Variants in TRIM44 observed in about 807,000 individuals in gnomAD.
TRIM44 encodes tripartite motif containing 44.
A neutral mutation model predicts 37.4 loss-of-function variants in TRIM44; 13 were observed. The ratio of observed to expected loss-of-function variants is 0.35; its 90% CI spans 0.23 to 0.55. The LOEUF is 0.55. Among genes scored for constraint, TRIM44 ranks in the 20% least tolerant of loss-of-function variants. The pLI is 0.89. For missense variants in TRIM44, 426 were observed against 437.2 expected, an observed-to-expected ratio of 0.97 and a Z score of 0.23; for synonymous variants, 175 against 157.2, an observed-to-expected ratio of 1.11 and a Z score of -0.85.
In TRIM44 at chr11:35,792,111, A is replaced by ACACACACACACACACACACACACTCTCT. The variant is rs796092540; in HGVS notation, c.1008-14246_1008-14245insACACACACACACACACACACACTCTCTC. On this transcript the variant is annotated intron_variant, in intron 4 of 4. Coordinates refer to ENST00000299413, the MANE Select transcript of TRIM44 (RefSeq NM_017583.6). ...CACACACACACACACACACACACACACTCTCTCTCATCATTCTCTATTCCA... is the reference window on the plus strand; with the variant it reads ...CACACACACACACACACACACACACACACACACACACACACACACACACTCTCTCTCTCTCTCATCATTCTCTATTCCA... 4.0e-3 allele frequency among the ~76,000 whole-genome samples: 460 copies of ACACACACACACACACACACACACTCTCT among 114,204 alleles called. 4 individuals are homozygous for ACACACACACACACACACACACACTCTCT. The highest frequency in any genetic ancestry group is 9.5e-3 in the East Asian group (40 of 4,222). 74.9% of individuals were successfully genotyped at this position (114,204 alleles called of 152,430 possible).
intron 4 of TRIM44, among the ~76,000 whole-genome samples, chr11:35,768,605 T>A (rs1454341901): frequency 1.3e-5 from 2 of 152,230 alleles, no homozygotes; most frequent in African/African-American, 2.4e-5. Flanking sequence ...TCAAAAACTT[T>A]AATGGAAAAT....
intron 1 of TRIM44, among the ~76,000 whole-genome samples, chr11:35,665,591 T>A: frequency 8.1e-6 from 1 of 123,008 alleles, no homozygotes; most frequent in East Asian, 2.1e-4. Context: ...TATCTGTTTT[T>A]TTTTTTTTTT....
At chr11:35,728,684 C>G (rs1056216718) in intron 3 of TRIM44, among the ~76,000 whole-genome samples, 2 of 152,120 alleles carry the variant, frequency 1.3e-5, no homozygotes, top group Non-Finnish European at 2.9e-5. Context: ...TAGAATTTAT[C>G]AAAAATCACC....
At chr11:35,777,944 T>C (rs1254389995) in intron 4 of TRIM44, among the ~76,000 whole-genome samples, 26 of 152,192 alleles carry the variant, frequency 1.7e-4, no homozygotes, top group Admixed American at 1.7e-3. Context: ...TTGGAGTTGC[T>C]GTTCTCAAGG....
rs77871596 is a variant in TRIM44, at chr11:35,682,528, A to T, written c.670-2731A>T. Among the ~76,000 whole-genome samples, 23 of 152,322 alleles carry T rather than the reference A, an allele frequency of 1.5e-4. No homozygotes were observed. In the East Asian group the frequency reaches 4.1e-3, roughly 27 times the overall value. On this transcript the variant is annotated intron_variant, in intron 1 of 4. Coordinates refer to ENST00000299413, the MANE Select transcript of TRIM44 (RefSeq NM_017583.6). ...CTGCTTATTTTATAGATTTTTAAAAAAGCCTTTGGGAAAGGTTTTCTTCAC... is the reference window on the plus strand; with the variant it reads ...CTGCTTATTTTATAGATTTTTAAAATAGCCTTTGGGAAAGGTTTTCTTCAC...
chr11:35,681,589 C>G (rs1444584610), intron 1 of TRIM44, among the ~76,000 whole-genome samples: 1 of 152,092 alleles, frequency 6.6e-6, no homozygotes, highest in African/African-American at 2.4e-5. Context: ...CAGGGGAATC[C>G]TACTACTTTG....
chr11:35,786,174 A>G (rs1342600284), intron 4 of TRIM44, among the ~76,000 whole-genome samples: 1 of 152,244 alleles, frequency 6.6e-6, no homozygotes, highest in African/African-American at 2.4e-5. Context: ...CCATTGTAAT[A>G]TTAAGAACTT....
In TRIM44 at chr11:35,806,496, C is replaced by T; in HGVS notation, c.*111C>T. 1 of 1,183,270 alleles carries T rather than the reference C, an allele frequency of 8.5e-7. No individual in the cohort carries two copies. Among genetic ancestry groups the T allele is most frequent in the Non-Finnish European group, 1.3e-6 (1 of 793,886 alleles). 73.3% of individuals were successfully genotyped at this position (1,183,270 alleles called of 1,614,324 possible). ...AGCTGCTCAGCAACAAACGTACTTC[C>T]ACCAGATGTGTCCCCAGATCCACAG... On this transcript the variant is annotated 3_prime_UTR_variant, in exon 5 of 5. Coordinates refer to ENST00000299413, the MANE Select transcript of TRIM44 (RefSeq NM_017583.6).
At chr11:35,783,721 G>A (rs554351820) in intron 4 of TRIM44, among the ~76,000 whole-genome samples, 4 of 152,262 alleles carry the variant, frequency 2.6e-5, no homozygotes, top group East Asian at 1.9e-4. Context: ...AATTGTGTGC[G>A]TGAAATGAGA....
chr11:35,726,235 C>T, intron 3 of TRIM44, 72 bp downstream of exon 3: 1 of 1,568,618 alleles, frequency 6.4e-7, no homozygotes, highest in Non-Finnish European at 8.6e-7. Context: ...TGTTAGACCC[C>T]ATGTGGTCCC....
intron 2 of TRIM44, among the ~76,000 whole-genome samples, 175 bp from the exon 3 acceptor site, chr11:35,725,749 T>G (rs1852166659): frequency 6.6e-6 from 1 of 152,148 alleles, no homozygotes; most frequent in African/African-American, 2.4e-5. Context: ...GCAAAAAGAT[T>G]AGCAGGAAAT....
rs184503474 is a variant in TRIM44 at position 35,700,045 on chromosome 11, A to G, written c.747+14709A>G. 9.9e-5 allele frequency among the ~76,000 whole-genome samples: 15 copies of G among 152,178 alleles called. No individual in the cohort carries two copies. The South Asian group carries it at 1.0e-3, about 11-fold the overall frequency. On this transcript the variant is annotated intron_variant, in intron 2 of 4. Coordinates refer to ENST00000299413, the MANE Select transcript of TRIM44 (RefSeq NM_017583.6). The stretch of plus-strand genomic sequence containing the variant: ...CTGCCCAAGGTAATTTATAGATTCA[A>G]TGCCATCCCCATGAAGCTACCAATG...
chr11:35,741,667 T>C (rs1852398433), intron 4 of TRIM44, among the ~76,000 whole-genome samples: 1 of 152,196 alleles, frequency 6.6e-6, no homozygotes, highest in Non-Finnish European at 1.5e-5. Context: ...GTTACGATGC[T>C]TGGCAGGCTA....
At chr11:35,708,754 A>G (rs1381787067) in intron 2 of TRIM44, among the ~76,000 whole-genome samples, 2 of 151,780 alleles carry the variant, frequency 1.3e-5, no homozygotes, top group Non-Finnish European at 2.9e-5. Flanking sequence ...CACTCTGGGG[A>G]CTGTTGTGGG....
At chr11:35,789,239 CATGTT>C (rs1004635415) in intron 4 of TRIM44, among the ~76,000 whole-genome samples, 4 of 152,176 alleles carry the variant, frequency 2.6e-5, no homozygotes, top group East Asian at 3.9e-4. Flanking sequence ...GCTAACTTCT[CATGTT>C]AGGGTAGAAG....
intron 4 of TRIM44, among the ~76,000 whole-genome samples, chr11:35,777,861 C>T (rs1348057133): frequency 5.9e-5 from 9 of 152,232 alleles, no homozygotes; most frequent in East Asian, 3.9e-4. Flanking sequence ...GTGGGTAACC[C>T]GACCTTTCTC....
At chr11:35,749,631 C>T (rs1030130641) in intron 4 of TRIM44, among the ~76,000 whole-genome samples, 2 of 152,116 alleles carry the variant, frequency 1.3e-5, no homozygotes, top group Non-Finnish European at 2.9e-5. Flanking sequence ...TGCAGTGAGC[C>T]GAGATCGTGC....
intron 4 of TRIM44, among the ~76,000 whole-genome samples, chr11:35,763,744 T>C (rs1852758078): frequency 6.6e-6 from 1 of 152,224 alleles, no homozygotes; most frequent in Non-Finnish European, 1.5e-5. Context: ...TATTGGGTTG[T>C]GTGCCTTTCC....
At chr11:35,777,182 T>C (rs899367304) in intron 4 of TRIM44, among the ~76,000 whole-genome samples, 5 of 152,236 alleles carry the variant, frequency 3.3e-5, no homozygotes, top group African/African-American at 1.2e-4. Flanking sequence ...GCTCTTCTTG[T>C]TGAATTGATC....
Sources: allele counts gnomAD v4.1 joint callset (sites outside exome capture counted in the v4.1 genomes callset), GRCh38; gene constraint gnomAD v4.1.1; transcripts MANE v1.5; gene names NCBI Gene and HGNC (gene_info 2026-07-23, HGNC 2026-07-21).